The following PSMG2 variants were observed in gnomAD, a reference collection of about 807,000 sequenced individuals.
PSMG2 encodes the protein proteasome assembly chaperone 2, also known as CD40 ligand-activated specific transcript 3.
In PSMG2, 21 loss-of-function variants were observed where a neutral mutation model predicts 31.5. The ratio of observed to expected loss-of-function variants is 0.67; its 90% confidence interval spans 0.47 to 0.96. The LOEUF (loss-of-function observed/expected upper bound fraction) is 0.96, where lower values mean the gene tolerates loss of function less well. Ranked by LOEUF, PSMG2 falls within the 40% of genes least tolerant of loss-of-function variation. PSMG2 has a pLI of 0.00. For missense variants in PSMG2, 318 were observed against 321.2 expected, an observed-to-expected ratio of 0.99 and a Z score of 0.08; for synonymous variants, 120 against 110.4, an observed-to-expected ratio of 1.09 and a Z score of -0.54.
rs200027354 is a variant in PSMG2 at position 12,684,047 on chromosome 18, CAG to C, written c.-36-22500_-36-22499del. On this transcript the variant is annotated intron_variant, in intron 1 of 6. Coordinates refer to the PSMG2 transcript ENST00000585331. ...TATATATATGTATTTTTTTTTGAGA[CAG>C]AGTCTTGCTCTGTCGTCCAGTTTGG... 9.8e-3 allele frequency among the ~76,000 whole-genome samples: 1,477 copies of C among 150,528 alleles called. 14 individuals carry two copies. The highest frequency in any genetic ancestry group is 0.014 in the Non-Finnish European group (955 of 67,750).
Position 12,691,875 on chromosome 18 carries a change from T to C in PSMG2, c.-36-14675T>C, listed in dbSNP as rs146008641. 8.9e-3 allele frequency among the ~76,000 whole-genome samples: 1,344 copies of C among 151,822 alleles called. 28 individuals are homozygous for C. The highest frequency in any genetic ancestry group is 0.03 in the African/African-American group (1,237 of 41,442). On this transcript the variant is annotated intron_variant, in intron 1 of 6. Transcript: ENST00000585331. ...GGACTACAGGCACGTGCCACCACAC[T>C]CAGCTAAATTTTTTTTTGTATTTTT... is the stretch of plus-strand genomic sequence containing the variant.
intron 1 of PSMG2, chr18:12,685,121 C>T (rs778649070): frequency 3.3e-5 from 5 of 152,058 alleles, no homozygotes; most frequent in Non-Finnish European, 7.3e-5. Context: ...CTGCCTCAGC[C>T]TCCTCAGTAG....
chr18:12,702,532 T>C (rs747446686), upstream of PSMG2: 27 of 1,607,866 alleles, frequency 1.7e-5, no homozygotes, highest in East Asian at 2.2e-5. Flanking sequence ...GGAGGCTTTC[T>C]CCGGAGGCAG....
intron 1 of PSMG2, among the ~76,000 whole-genome samples, chr18:12,671,590 TTTTTAATATATAAAA>T (rs1489636987): frequency 1.3e-5 from 2 of 151,510 alleles, no homozygotes; most frequent in African/African-American, 2.4e-5. Context: ...CTTAACACTT[TTTTTAATATATAAAA>T]TTTTAAAATA....
intron 1 of PSMG2, among the ~76,000 whole-genome samples, chr18:12,677,163 C>T (rs1184306177): frequency 1.3e-5 from 2 of 152,050 alleles, no homozygotes; most frequent in Non-Finnish European, 2.9e-5. Flanking sequence ...TGACAAGAGG[C>T]TTGATCTGGC....
chr18:12,692,326 A>C (rs1201043801), intron 1 of PSMG2: 4 of 151,960 alleles, frequency 2.6e-5, no homozygotes, highest in Non-Finnish European at 5.9e-5. Flanking sequence ...AAAAAAAAAA[A>C]AAACATACTG....
intron 2 of PSMG2, 90 bp downstream of exon 2, chr18:12,706,811 A>G: frequency 1.5e-6 from 2 of 1,363,620 alleles, no homozygotes; most frequent in South Asian, 2.9e-5. Context: ...TTTTGTAGCA[A>G]ATGTTTACTT....
intron 3 of PSMG2, among the ~76,000 whole-genome samples, chr18:12,715,931 G>A (rs186182047): frequency 6.6e-6 from 1 of 152,128 alleles, no homozygotes; most frequent in Non-Finnish European, 1.5e-5. Context: ...AAGACATAGA[G>A]CATTGTCAGC....
chr18:12,695,303 A>G (rs770316632), intron 1 of PSMG2: 2 of 1,574,008 alleles, frequency 1.3e-6, no homozygotes, highest in Non-Finnish European at 1.7e-6. Context: ...TGGTGGATAC[A>G]TTTCAAGTTT....
At chr18:12,658,773 G>T in exon 1 of PSMG2, 1 of 337,462 alleles carries the variant, frequency 3.0e-6, no homozygotes, top group Non-Finnish European at 6.1e-6. Context: ...CCATCTTCAG[G>T]GTAAGCACCG....
upstream of PSMG2, chr18:12,699,738 A>G (rs1477781669): frequency 1.4e-6 from 1 of 718,498 alleles, no homozygotes; most frequent in Admixed American, 3.6e-5. Context: ...TTGGGGGGAA[A>G]AAATGGAAAT....
intron 1 of PSMG2, chr18:12,686,770 G>T: frequency 5.3e-6 from 1 of 189,404 alleles, no homozygotes; most frequent in Non-Finnish European, 1.1e-5. Flanking sequence ...TGTAGGGGAG[G>T]GAGAGGTGCT....
Position 12,712,756 on chromosome 18 carries a change from T to C in PSMG2, c.284T>C (p.Ile95Thr). 3.1e-6 allele frequency: 5 copies of C among 1,603,480 alleles called. No homozygotes were observed. The highest frequency in any genetic ancestry group is 4.3e-6 in the Non-Finnish European group (5 of 1,171,810). Residue 95 changes from isoleucine to threonine, a missense_variant, in exon 3 of 7, where the codon ATT becomes ACT. Ile to Thr is a moderately conservative substitution (Grantham distance 89). Transcript: ENST00000317615. The stretch of plus-strand genomic sequence containing the variant: ...GCTCTACAGTTAAGATCCATTTTTA[T>C]TAAGGTTAGTATGTTGTAGTTTGCC... ...LVALQLRSIF[I>T]KYKSKPFCEK...
intron 1 of PSMG2, chr18:12,697,147 T>C (rs1314641080): frequency 1.8e-6 from 2 of 1,107,564 alleles, no homozygotes; most frequent in Non-Finnish European, 2.6e-6. Context: ...TATAAAAGCA[T>C]TTTAAAGATA....
chr18:12,703,011 G>C, upstream of PSMG2: 1 of 1,400,170 alleles, frequency 7.1e-7, no homozygotes, highest in Non-Finnish European at 9.7e-7. Context: ...ACCCTCCCGC[G>C]CCCCGCGAGG....
chr18:12,703,024 C>A (rs1210075523), upstream of PSMG2: 1 of 1,495,360 alleles, frequency 6.7e-7, no homozygotes, highest in African/African-American at 1.4e-5. Flanking sequence ...CCGCGAGGCT[C>A]CGGGGTCTCG....
chr18:12,687,625 G>A (rs1466723800), intron 1 of PSMG2, among the ~76,000 whole-genome samples: 1 of 151,444 alleles, frequency 6.6e-6, no homozygotes, highest in Non-Finnish European at 1.5e-5. Context: ...GCTAATTTTT[G>A]TATTTTTGTA....
chr18:12,695,299 A>G, intron 1 of PSMG2: 2 of 1,574,096 alleles, frequency 1.3e-6, no homozygotes, highest in Admixed American at 3.4e-5. Context: ...TGAGTGGTGG[A>G]TACATTTCAA....
intron 3 of PSMG2, among the ~76,000 whole-genome samples, chr18:12,718,044 G>A (rs999271095): frequency 2.2e-5 from 3 of 136,842 alleles, no homozygotes; most frequent in Non-Finnish European, 3.1e-5. Context: ...AGTTTCACTC[G>A]GTTCCCCCGG....
Sources: allele counts gnomAD v4.1 joint callset (sites outside exome capture counted in the v4.1 genomes callset), GRCh38; gene constraint gnomAD v4.1.1; transcripts MANE v1.5; gene names NCBI Gene and HGNC (gene_info 2026-07-23, HGNC 2026-07-21).